KCNH7: variants seen among roughly 807,000 people sequenced by gnomAD.
The protein encoded by KCNH7 is voltage-gated inwardly rectifying potassium channel KCNH7.
In KCNH7, 49 loss-of-function variants were observed where a neutral mutation model predicts 120.8. The observed-to-expected ratio is 0.41, with a 90% CI of 0.32 to 0.51. KCNH7 has a LOEUF of 0.51. KCNH7 is among the 20% of genes least tolerant of loss of function. The pLI, the probability that KCNH7 is intolerant of heterozygous loss-of-function variation, is 0.38. For missense variants in KCNH7, 1,097 were observed against 1,446.6 expected, an observed-to-expected ratio of 0.76 and a Z score of 3.92; for synonymous variants, 547 against 516.1, an observed-to-expected ratio of 1.06 and a Z score of -0.81.
chr2:162,624,866 T>G (rs888476714), intron 2 of KCNH7, among the ~76,000 whole-genome samples: 3 of 150,304 alleles, frequency 2.0e-5, no homozygotes, highest in African/African-American at 7.4e-5. Flanking sequence ...TCAAGGAGCA[T>G]GGTGGTTAAA....
At chr2:162,754,782 A>G (rs899092867) in intron 2 of KCNH7, among the ~76,000 whole-genome samples, 2 of 152,222 alleles carry the variant, frequency 1.3e-5, no homozygotes, top group African/African-American at 4.8e-5. Flanking sequence ...AATGCAAAGA[A>G]AAAATGAATT....
chr2:162,671,909 A>G (rs36037868), intron 2 of KCNH7, among the ~76,000 whole-genome samples: 3,455 of 152,238 alleles, frequency 0.023, 72 homozygotes, highest in East Asian at 0.11. Context: ...TATGATTAAA[A>G]TTTAATTCAC....
At chr2:162,417,785 C>A (rs1687583861) in intron 9 of KCNH7, among the ~76,000 whole-genome samples, 1 of 152,162 alleles carries the variant, frequency 6.6e-6, no homozygotes, top group African/African-American at 2.4e-5. Context: ...TGACCATCAT[C>A]ACTTGTGCAA....
chr2:162,599,169 C>A lies in KCNH7; in HGVS notation c.308-62089G>T, dbSNP rs889808183. 5.3e-5 allele frequency among the ~76,000 whole-genome samples: 8 copies of A among 151,824 alleles called. No individual in the cohort carries two copies. The South Asian group carries it at 6.2e-4, about 12-fold the overall frequency. On this transcript the variant is annotated intron_variant, in intron 2 of 15. Coordinates refer to ENST00000332142, the MANE Select transcript of KCNH7 (RefSeq NM_033272.4). ...GCAGTGAGCCAAGATCATGTCACTG[C>A]ACTCTAGCCTGGGCAACAGAGCGAG...
chr2:162,413,008 A>G (rs1007660075), intron 9 of KCNH7, among the ~76,000 whole-genome samples: 2 of 152,154 alleles, frequency 1.3e-5, no homozygotes, highest in South Asian at 2.1e-4. Flanking sequence ...AAAGTCATAT[A>G]TTTTTTATGG....
chr2:162,412,350 C>T lies in KCNH7; in HGVS notation c.2154+10986G>A, dbSNP rs1045127650. Among the ~76,000 whole-genome samples, 26 of 151,996 alleles carry T rather than the reference C, an allele frequency of 1.7e-4. No individual in the cohort carries two copies. In the East Asian group the frequency reaches 2.1e-3, roughly 12 times the overall value. On this transcript the variant is annotated intron_variant, in intron 9 of 15. Transcript: ENST00000332142. Reference sequence around the variant, plus strand: ...AACCAGTGATTCTCAACTTTGTCTACGTATTAGATTTATAAAAATACTGAC... The same window carrying T: ...AACCAGTGATTCTCAACTTTGTCTATGTATTAGATTTATAAAAATACTGAC...
At chr2:162,420,659 G>A (rs577950527) in intron 9 of KCNH7, among the ~76,000 whole-genome samples, 8 of 152,168 alleles carry the variant, frequency 5.3e-5, no homozygotes, top group South Asian at 2.1e-4. Flanking sequence ...GGTTTTGTTC[G>A]TAAAAATAAT....
At chr2:162,460,871 T>C (rs1221728149) in intron 6 of KCNH7, among the ~76,000 whole-genome samples, 1 of 152,238 alleles carries the variant, frequency 6.6e-6, no homozygotes, top group East Asian at 1.9e-4. Context: ...ATAGGGCCTG[T>C]GTCCTTATAC....
At chr2:162,449,271 CA>C (rs1330896788) in intron 6 of KCNH7, among the ~76,000 whole-genome samples, 2 of 151,970 alleles carry the variant, frequency 1.3e-5, no homozygotes, top group African/African-American at 4.8e-5. Flanking sequence ...GAATAATATA[CA>C]GGCTCTTTTT....
intron 2 of KCNH7, among the ~76,000 whole-genome samples, chr2:162,764,002 T>C (rs1689058530): frequency 6.6e-6 from 1 of 152,098 alleles, no homozygotes; most frequent in Non-Finnish European, 1.5e-5. Flanking sequence ...TCCTCTGTCC[T>C]AAGGAAAGAT....
At chr2:162,397,006 T>C in intron 10 of KCNH7, 61 bp from the exon 11 acceptor site, 1 of 1,157,938 alleles carries the variant, frequency 8.6e-7, no homozygotes, top group Non-Finnish European at 1.3e-6. Context: ...GTTCTCCTTC[T>C]AAAAGTAGAA....
chr2:162,596,927 C>T (rs1694398314), intron 2 of KCNH7, among the ~76,000 whole-genome samples: 4 of 152,040 alleles, frequency 2.6e-5, no homozygotes, highest in Admixed American at 2.6e-4. Context: ...AGAACACATA[C>T]AAGTGGCCAA....
intron 2 of KCNH7, among the ~76,000 whole-genome samples, chr2:162,561,149 AT>A (rs1185754896): frequency 6.6e-6 from 1 of 151,902 alleles, no homozygotes; most frequent in African/African-American, 2.4e-5. Context: ...GAAATCTGAA[AT>A]TTTTGTTTAT....
chr2:162,654,809 G>C (rs1333149738), intron 2 of KCNH7, among the ~76,000 whole-genome samples: 1 of 152,064 alleles, frequency 6.6e-6, no homozygotes, highest in Non-Finnish European at 1.5e-5. Context: ...TTAAATTGAA[G>C]GAAATTCTTG....
chr2:162,428,686 A>G (rs1261546063), intron 8 of KCNH7, among the ~76,000 whole-genome samples: 1 of 151,922 alleles, frequency 6.6e-6, no homozygotes, highest in Non-Finnish European at 1.5e-5. Flanking sequence ...TTTCAGTTAC[A>G]TCAGTTTTTC....
At chr2:162,381,870 T>C (rs953209136) in intron 13 of KCNH7, among the ~76,000 whole-genome samples, 2 of 152,084 alleles carry the variant, frequency 1.3e-5, no homozygotes, top group African/African-American at 4.8e-5. Flanking sequence ...CTGTTTAAAA[T>C]GCAAAACAAT....
intron 2 of KCNH7, among the ~76,000 whole-genome samples, chr2:162,619,012 G>A (rs1683244947): frequency 6.6e-6 from 1 of 152,150 alleles, no homozygotes. Context: ...ACAAAGAGGT[G>A]AAGTAAAAAA....
chr2:162,652,432 G>C (rs999299839), intron 2 of KCNH7, among the ~76,000 whole-genome samples: 3 of 152,086 alleles, frequency 2.0e-5, no homozygotes, highest in African/African-American at 7.2e-5. Context: ...TGGAGAGTGT[G>C]GGGGGAGGGG....
At chr2:162,567,990 T>C (rs1693317598) in intron 2 of KCNH7, among the ~76,000 whole-genome samples, 1 of 152,048 alleles carries the variant, frequency 6.6e-6, no homozygotes, top group African/African-American at 2.4e-5. Context: ...AATAAAGACA[T>C]ACCTGAGCCT....
Sources: gnomAD v4.1 joint callset for allele counts (sites outside exome capture counted in the v4.1 genomes callset) on GRCh38, gnomAD v4.1.1 for gene constraint, MANE v1.5 for transcripts, NCBI Gene and HGNC (gene_info 2026-07-23, HGNC 2026-07-21) for gene names.